Variants in RWDD1 observed in about 807,000 individuals in gnomAD.
The protein encoded by RWDD1 is RWD domain-containing protein 1.
RWDD1 carries 17 observed loss-of-function variants against 31.6 expected under a neutral mutation model. The ratio of observed to expected loss-of-function variants is 0.54; its 90% CI spans 0.37 to 0.81. The LOEUF (loss-of-function observed/expected upper bound fraction) is 0.81, where lower values mean the gene tolerates loss of function less well. RWDD1 is among the 30% of genes least tolerant of loss of function. RWDD1 has a pLI of 0.00. For synonymous variants in RWDD1, 78 were observed against 94.2 expected (o/e 0.83, Z 0.99); for missense variants, 204 against 274.5 (o/e 0.74, Z 1.82).
chr6:116,572,866 C>T (rs1774768191), intron 1 of RWDD1: 2 of 985,440 alleles, frequency 2.0e-6, no homozygotes, highest in East Asian at 1.1e-4. Context: ...AGGCAGATGT[C>T]TCTCAGCTAT....
intron 6 of RWDD1, among the ~76,000 whole-genome samples, chr6:116,592,029 T>C (rs1458602970): frequency 6.6e-6 from 1 of 152,232 alleles, no homozygotes; most frequent in Non-Finnish European, 1.5e-5. Context: ...CTCTTCCTCC[T>C]CCTAGTGCCA....
At chr6:116,589,560 A>G (rs1583335837) in intron 4 of RWDD1, among the ~76,000 whole-genome samples, 1 of 152,308 alleles carries the variant, frequency 6.6e-6, no homozygotes, top group Middle Eastern at 3.4e-3. Context: ...ATGAAGTGAT[A>G]AAGCAATGAT....
rs967220250 is a variant in RWDD1 at position 116,594,763 on chromosome 6, C to T, written c.*1662C>T. On this transcript the variant is annotated 3_prime_UTR_variant, in exon 7 of 7. Coordinates refer to ENST00000466444, the MANE Select transcript of RWDD1 (RefSeq NM_015952.4). The stretch of plus-strand genomic sequence containing the variant: ...CAGTTTTGGAGGACTGACTCTTAAC[C>T]CCAATAGGAAATCAGTTGTGCTATT... 1.3e-5 allele frequency: 2 copies of T among 152,100 alleles called. No homozygotes were observed. Among genetic ancestry groups the T allele is most frequent in the Admixed American group, 6.5e-5 (1 of 15,270 alleles). 9.4% of individuals were successfully genotyped at this position (152,100 alleles called of 1,614,324 possible).
chr6:116,592,671 T>G (rs1236956627), intron 6 of RWDD1, among the ~76,000 whole-genome samples: 2 of 152,190 alleles, frequency 1.3e-5, no homozygotes, highest in Non-Finnish European at 2.9e-5. Flanking sequence ...GATAATCAAT[T>G]TTCTATAACC....
In RWDD1 at chr6:116,584,872, AT is replaced by A; in HGVS notation, c.270+19del. 1.3e-6 allele frequency: 2 copies of A among 1,550,962 alleles called. No individual in the cohort carries two copies. The highest frequency in any genetic ancestry group is 1.4e-5 in the African/African-American group (1 of 73,362). On this transcript the variant is annotated intron_variant, in intron 3 of 6. Transcript: ENST00000466444. ...TAGCATTACAGGTAAGGAAATAATA[AT>A]TTTATGTTTTGTAGCAGCATTTATT...
At chr6:116,591,736 T>C (rs1775148925) in intron 6 of RWDD1, among the ~76,000 whole-genome samples, 1 of 152,272 alleles carries the variant, frequency 6.6e-6, no homozygotes, top group Non-Finnish European at 1.5e-5. Context: ...ACACCTTTGA[T>C]AGCACTCTAG....
chr6:116,591,060 A>G, intron 6 of RWDD1, 110 bp downstream of exon 6: 1 of 1,406,960 alleles, frequency 7.1e-7, no homozygotes, highest in South Asian at 1.8e-5. Context: ...CAGGAGTTTG[A>G]GACCAGACTG....
intron 1 of RWDD1, chr6:116,572,935 G>C (rs1048864698): frequency 1.1e-4 from 105 of 985,366 alleles, no homozygotes; most frequent in Non-Finnish European, 1.3e-4. Flanking sequence ...TCTGTGCTGT[G>C]AGGATGTTAA....
In RWDD1 at chr6:116,595,613, A is replaced by AATGTTTTTAAT. The variant is rs1583338807; in HGVS notation, c.*2513_*2514insTGTTTTTAATA. 6.6e-6 allele frequency: 1 copy of AATGTTTTTAAT among 152,238 alleles called. No individual in the cohort carries two copies. Among genetic ancestry groups the AATGTTTTTAAT allele is most frequent in the East Asian group, 1.9e-4 (1 of 5,206 alleles). 9.4% of individuals were successfully genotyped at this position (152,238 alleles called of 1,614,324 possible). A position where few individuals can be genotyped will look rare whatever the true frequency, so the allele number is the denominator to read the frequency against. On this transcript the variant is annotated 3_prime_UTR_variant, in exon 7 of 7. Transcript: ENST00000466444. ...TTAAAATGTCACTAGGTTAAAAACA[A>AATGTTTTTAAT]ACACAGATATGTTTATTCATTACTG...
At chr6:116,580,110 C>T (rs549416430) in intron 1 of RWDD1, 185 bp from the exon 2 acceptor site, 81 of 372,388 alleles carry the variant, frequency 2.2e-4, no homozygotes, top group Non-Finnish European at 3.3e-4. Context: ...TAAAGACAAC[C>T]CTCCATTTAA....
intron 1 of RWDD1, chr6:116,573,050 A>T: frequency 1.1e-6 from 1 of 937,418 alleles, no homozygotes; most frequent in Non-Finnish European, 1.3e-6. Flanking sequence ...CTAAAATAGA[A>T]TATAGGGTCA....
chr6:116,589,899 C>G (rs1477298210), intron 4 of RWDD1, among the ~76,000 whole-genome samples: 1 of 152,188 alleles, frequency 6.6e-6, no homozygotes, highest in African/African-American at 2.4e-5. Context: ...CTGGGTCCCT[C>G]CTACAGCACA....
intron 3 of RWDD1, among the ~76,000 whole-genome samples, chr6:116,585,572 T>C (rs1366335286): frequency 1.3e-5 from 2 of 152,102 alleles, no homozygotes; most frequent in Non-Finnish European, 2.9e-5. Context: ...CTTTATTTGT[T>C]TACTCTAAGA....
At position 116,590,870 on chromosome 6, in the gene RWDD1, C is replaced by CT. The variant is rs77165075; in HGVS notation, c.548-3dup. ...AACTATGCCATTTGAATTAAACATA[C>CT]TTTTTTTTTTTTTTTAGGGAAACAA... On this transcript the variant is annotated splice_polypyrimidine_tract_variant and intron_variant, in intron 5 of 6. Coordinates refer to ENST00000466444, the MANE Select transcript of RWDD1 (RefSeq NM_015952.4). 82,463 of 1,375,916 alleles carry CT rather than the reference C, an allele frequency of 0.06. 87 individuals carry two copies. The highest frequency in any genetic ancestry group is 0.082 in the African/African-American group (5,243 of 63,726). The allele number at this position is 1,375,916 out of a possible 1,614,324, so 85.2% of individuals were successfully genotyped here.
chr6:116,571,559 C>A lies in RWDD1; in HGVS notation c.-24C>A. On this transcript the variant is annotated 5_prime_UTR_variant, in exon 1 of 7. Coordinates refer to ENST00000466444, the MANE Select transcript of RWDD1 (RefSeq NM_015952.4). ...CGCGCCGCCTAGGTGTCTGGGCGAT[C>A]TATGGGCAAGAGCAAGGGCCACGAT... 6.2e-7 allele frequency: 1 copy of A among 1,610,880 alleles called. No individual in the cohort carries two copies.
chr6:116,590,517 A>G (rs1193301820), intron 5 of RWDD1, 113 bp downstream of exon 5: 4 of 1,310,788 alleles, frequency 3.1e-6, no homozygotes, highest in Non-Finnish European at 4.1e-6. Context: ...ATAGGCATCT[A>G]GGACAAAAAG....
Position 116,589,003 on chromosome 6 carries a change from G to A in RWDD1, c.414+18G>A. ...CTGAAAAGGTATATTTAAAAGCCTT[G>A]TTTTCTTTTATTATTTCTTAAATCA... On this transcript the variant is annotated intron_variant, in intron 4 of 6. Coordinates refer to ENST00000466444, the MANE Select transcript of RWDD1 (RefSeq NM_015952.4). 1 of 1,276,350 alleles carries A rather than the reference G, an allele frequency of 7.8e-7. No individual in the cohort carries two copies. The highest frequency in any genetic ancestry group is 1.0e-6 in the Non-Finnish European group (1 of 995,010). The allele number at this position is 1,276,350 out of a possible 1,614,324, so 79.1% of individuals were successfully genotyped here.
chr6:116,580,372 A>G lies in RWDD1; in HGVS notation c.139+12A>G. On this transcript the variant is annotated intron_variant, in intron 2 of 6. Transcript: ENST00000466444. ...AGAAAATGATGAAAGTAAGTCTTAT[A>G]AAAAATACTTGTGGTTTTTCTAAAT... The G allele has an allele frequency of 6.3e-7, 1 of 1,575,574 alleles. No individual in the cohort carries two copies. The highest frequency in any genetic ancestry group is 8.7e-7 in the Non-Finnish European group (1 of 1,153,746).
At chr6:116,584,956 A>G (rs1453341408) in intron 3 of RWDD1, 99 bp downstream of exon 3, 21 of 923,464 alleles carry the variant, frequency 2.3e-5, no homozygotes, top group Non-Finnish European at 3.1e-5. Context: ...TGTAAACAGA[A>G]CATTGACCAA....
Sources: gnomAD v4.1 joint callset for allele counts (sites outside exome capture counted in the v4.1 genomes callset) on GRCh38, gnomAD v4.1.1 for gene constraint, MANE v1.5 for transcripts, NCBI Gene and HGNC (gene_info 2026-07-23, HGNC 2026-07-21) for gene names.